The following INPP4B variants were observed in gnomAD, a reference collection of about 807,000 sequenced individuals.
INPP4B encodes the protein inositol polyphosphate-4-phosphatase type II B, also known as inositol polyphosphate 4-phosphatase type II.
Under a neutral mutation model 122.5 loss-of-function variants are expected in INPP4B, and 55 were observed. The ratio of observed to expected loss-of-function variants is 0.45; its 90% CI spans 0.36 to 0.56. INPP4B has a LOEUF of 0.56. Ranked by LOEUF, INPP4B falls within the 20% of genes least tolerant of loss-of-function variation. The pLI, the probability that INPP4B is intolerant of heterozygous loss-of-function variation, is 0.00. For missense variants in INPP4B, 1,000 were observed against 1,097.7 expected, an observed-to-expected ratio of 0.91 and a Z score of 1.26; for synonymous variants, 403 against 388.7, an observed-to-expected ratio of 1.04 and a Z score of -0.43.
chr4:142,658,287 G>C (rs1754522113), intron 2 of INPP4B, among the ~76,000 whole-genome samples: 1 of 152,138 alleles, frequency 6.6e-6, no homozygotes, highest in South Asian at 2.1e-4. Flanking sequence ...GATAACTTTG[G>C]ATATTGTAAC....
intron 2 of INPP4B, among the ~76,000 whole-genome samples, chr4:142,708,033 G>A (rs1762664942): frequency 1.3e-5 from 2 of 152,208 alleles, no homozygotes; most frequent in South Asian, 4.1e-4. Context: ...GGCCACTTTT[G>A]TTATGCGTTA....
intron 15 of INPP4B, among the ~76,000 whole-genome samples, chr4:142,188,507 A>AT (rs1393850082): frequency 3.4e-4 from 36 of 106,462 alleles, no homozygotes; most frequent in South Asian, 2.1e-3. Flanking sequence ...AAAAAAAAAA[A>AT]AAAGAAAAAA....
rs896894044 is a variant in INPP4B, at chr4:142,843,117, T to C, written c.-254+3092A>G. On this transcript the variant is annotated intron_variant, in intron 1 of 25. Transcript: ENST00000262992. Reference sequence around the variant, plus strand: ...AAAGAGTAATTAAAATTTTTGCACATATCTTAATGTCTTTTCTAGGTATAT... The same window carrying C: ...AAAGAGTAATTAAAATTTTTGCACACATCTTAATGTCTTTTCTAGGTATAT... Among the ~76,000 whole-genome samples, 3 of 151,140 alleles carry C rather than the reference T, an allele frequency of 2.0e-5. No homozygotes were observed. In the East Asian group the frequency reaches 5.8e-4, roughly 29 times the overall value.
chr4:142,161,483 AC>A (rs1205365530), intron 16 of INPP4B, among the ~76,000 whole-genome samples: 1 of 151,888 alleles, frequency 6.6e-6, no homozygotes, highest in East Asian at 1.9e-4. Flanking sequence ...TTAGGAAGGG[AC>A]CCTTTAACTC....
At position 142,401,285 on chromosome 4, in the gene INPP4B, G is replaced by A. The variant is rs563576526; in HGVS notation, c.372+1653C>T. ...AAAACAAAAACAGCAACAAAAAACC[G>A]TGGGTGAGAGCTCTGGGCATAATTT... On this transcript the variant is annotated intron_variant, in intron 7 of 25. Transcript: ENST00000262992. Among the ~76,000 whole-genome samples, 58 of 152,162 alleles carry A rather than the reference G, an allele frequency of 3.8e-4. 2 individuals carry two copies. In the South Asian group the frequency reaches 7.9e-3, roughly 21 times the overall value.
At chr4:142,623,544 G>C (rs1296781248) in intron 2 of INPP4B, among the ~76,000 whole-genome samples, 1 of 151,636 alleles carries the variant, frequency 6.6e-6, no homozygotes, top group Non-Finnish European at 1.5e-5. Flanking sequence ...TGTTATACAG[G>C]CCTGTATAAT....
intron 2 of INPP4B, among the ~76,000 whole-genome samples, chr4:142,695,299 A>G (rs1371522649): frequency 6.6e-6 from 1 of 152,186 alleles, no homozygotes; most frequent in Non-Finnish European, 1.5e-5. Flanking sequence ...CTAATTCTCA[A>G]ACAGCCTTGC....
chr4:142,336,678 G>T (rs1298866655), intron 7 of INPP4B, among the ~76,000 whole-genome samples: 1 of 152,250 alleles, frequency 6.6e-6, no homozygotes, highest in Non-Finnish European at 1.5e-5. Context: ...TGGTGCCCAA[G>T]GCGGAAGCCA....
intron 14 of INPP4B, among the ~76,000 whole-genome samples, chr4:142,203,843 G>GA (rs112609091): frequency 1.9e-4 from 29 of 149,102 alleles, no homozygotes; most frequent in African/African-American, 4.2e-4. Flanking sequence ...TGGTAAAGAT[G>GA]AAAAAAAAAA....
Position 142,703,801 on chromosome 4 carries a change from A to C in INPP4B, c.-191+22038T>G, listed in dbSNP as rs186433755. On this transcript the variant is annotated intron_variant, in intron 2 of 25. Transcript: ENST00000262992. ...AAGACCAGATGCATTCCAGTAGGTA[A>C]AGGGGGCTAACTCAGGAAACAAGTG... Among the ~76,000 whole-genome samples, 9 of 152,306 alleles carry C rather than the reference A, an allele frequency of 5.9e-5. No homozygotes were observed. In the East Asian group the frequency reaches 1.7e-3, roughly 29 times the overall value.
At chr4:142,620,497 C>G (rs1283670533) in intron 2 of INPP4B, among the ~76,000 whole-genome samples, 16 of 151,718 alleles carry the variant, frequency 1.1e-4, no homozygotes. Flanking sequence ...ACACTCGTGC[C>G]CACTTGAGGA....
At chr4:142,244,287 C>CTTTTTTTTTTT (rs56945961) in intron 11 of INPP4B, among the ~76,000 whole-genome samples, 5 of 73,764 alleles carry the variant, frequency 6.8e-5, no homozygotes, top group African/African-American at 2.8e-4. Context: ...GTATATGTGC[C>CTTTTTTTTTTT]TTTTTTTTTT....
intron 7 of INPP4B, among the ~76,000 whole-genome samples, chr4:142,315,496 TGATTTTCAATCCTG>T (rs1442051917): frequency 6.6e-6 from 1 of 152,048 alleles, no homozygotes; most frequent in East Asian, 1.9e-4. Flanking sequence ...AACTGAGTGG[TGATTTTCAATCCTG>T]GCTGTACATT....
At chr4:142,677,254 A>G (rs1246473499) in intron 2 of INPP4B, among the ~76,000 whole-genome samples, 1 of 152,208 alleles carries the variant, frequency 6.6e-6, no homozygotes, top group Admixed American at 6.5e-5. Flanking sequence ...GCTCATCATC[A>G]CTGGTCATCA....
At chr4:142,255,901 A>AT (rs1221998444) in intron 11 of INPP4B, among the ~76,000 whole-genome samples, 2 of 147,448 alleles carry the variant, frequency 1.4e-5, no homozygotes, top group African/African-American at 2.5e-5. Context: ...CAGAATATAC[A>AT]TTTTTTTCAG....
chr4:142,154,870 T>A (rs781652546), intron 17 of INPP4B, among the ~76,000 whole-genome samples: 1 of 152,040 alleles, frequency 6.6e-6, no homozygotes, highest in African/African-American at 2.4e-5. Flanking sequence ...GACATTGTTT[T>A]TTTCCTATCA....
chr4:142,295,960 A>C (rs1758517680), intron 9 of INPP4B, among the ~76,000 whole-genome samples: 1 of 152,208 alleles, frequency 6.6e-6, no homozygotes, highest in Non-Finnish European at 1.5e-5. Flanking sequence ...TTTCAGGTCA[A>C]ATATAATTCC....
chr4:142,133,863 G>T (rs560473545), intron 18 of INPP4B, among the ~76,000 whole-genome samples: 1 of 152,282 alleles, frequency 6.6e-6, no homozygotes, highest in East Asian at 1.9e-4. Context: ...ACAAGTTCAA[G>T]CATCAGCTTT....
intron 7 of INPP4B, among the ~76,000 whole-genome samples, chr4:142,320,590 C>T (rs943929882): frequency 3.3e-5 from 5 of 152,160 alleles, no homozygotes; most frequent in African/African-American, 1.2e-4. Flanking sequence ...GATTTTGGTG[C>T]ACCCATCACC....
Sources: allele counts gnomAD v4.1 joint callset (sites outside exome capture counted in the v4.1 genomes callset), GRCh38; gene constraint gnomAD v4.1.1; transcripts MANE v1.5; gene names NCBI Gene and HGNC (gene_info 2026-07-23, HGNC 2026-07-21).